The following KCNN2 variants were observed in gnomAD, a reference collection of about 807,000 sequenced individuals.
KCNN2 encodes potassium calcium-activated channel subfamily N member 2.
In KCNN2, 24 loss-of-function variants were observed where a neutral mutation model predicts 55.5. The ratio of observed to expected loss-of-function variants is 0.43; its 90% CI spans 0.31 to 0.61. KCNN2 has a LOEUF of 0.61. Ranked by LOEUF, KCNN2 falls within the 20% of genes least tolerant of loss-of-function variation. The pLI, the probability that KCNN2 is intolerant of heterozygous loss-of-function variation, is 0.08. For missense variants in KCNN2, 754 were observed against 853.6 expected (o/e 0.88, Z 1.45); for synonymous variants, 431 against 336.1 (o/e 1.28, Z -3.09).
chr5:114,090,269 G>T (rs760840244), intron 1 of KCNN2, among the ~76,000 whole-genome samples: 5 of 152,094 alleles, frequency 3.3e-5, no homozygotes, highest in Non-Finnish European at 5.9e-5. Context: ...GGATGAGGAA[G>T]AAATTAGGAT....
chr5:114,346,903 G>C (rs1757116439), intron 2 of KCNN2, among the ~76,000 whole-genome samples: 1 of 152,012 alleles, frequency 6.6e-6, no homozygotes, highest in African/African-American at 2.4e-5. Flanking sequence ...AAATAATGGG[G>C]GAATGCCAAA....
rs10658266 is a variant in KCNN2 at position 114,232,925 on chromosome 5, G to GTTTTTTTT, written c.-185+11366_-185+11373dup. On this transcript the variant is annotated intron_variant, in intron 2 of 10. Transcript: ENST00000512097. The stretch of plus-strand genomic sequence containing the variant: ...GAGGTAATTTTTTATATTGTTTCTT[G>GTTTTTTTT]TTTTTTTTTTTTTGAGACGGAGTCT... Among the ~76,000 whole-genome samples, 22 of 76,280 alleles carry GTTTTTTTT rather than the reference G, an allele frequency of 2.9e-4. 3 individuals are homozygous for GTTTTTTTT. The highest frequency in any genetic ancestry group is 9.6e-4 in the African/African-American group (21 of 21,888). The allele number at this position is 76,280 out of a possible 152,430, so 50.0% of individuals were successfully genotyped here.
intron 1 of KCNN2, among the ~76,000 whole-genome samples, chr5:114,145,695 CT>C (rs1207559912): frequency 1.3e-5 from 2 of 151,996 alleles, no homozygotes; most frequent in Non-Finnish European, 2.9e-5. Flanking sequence ...TAACATAGAC[CT>C]GATAGGAGCG....
intron 1 of KCNN2, among the ~76,000 whole-genome samples, chr5:114,176,118 G>A (rs1038704356): frequency 2.0e-5 from 3 of 152,084 alleles, no homozygotes; most frequent in African/African-American, 7.2e-5. Context: ...TTTTCAGCTG[G>A]ATAATTCTTT....
intron 2 of KCNN2, among the ~76,000 whole-genome samples, chr5:114,403,707 T>G (rs1225224072): frequency 6.6e-6 from 1 of 152,246 alleles, no homozygotes; most frequent in East Asian, 1.9e-4. Context: ...TTATTTACTT[T>G]GCTTTCTCGC....
Position 114,480,155 on chromosome 5 carries a change from T to TAAAC in KCNN2, c.1891-6893_1891-6890dup, listed in dbSNP as rs1280037256. 7.9e-5 allele frequency among the ~76,000 whole-genome samples: 12 copies of TAAAC among 151,084 alleles called. No individual in the cohort carries two copies. The East Asian group carries it at 2.3e-3, about 29-fold the overall frequency. On this transcript the variant is annotated intron_variant, in intron 5 of 7. Transcript: ENST00000673685. ...AAGAAGAAAAGAGCAAAGAGTCAAA[T>TAAAC]AAACACTATGATAAGGGGGATATTA...
chr5:114,452,949 A>G (rs1332627926), intron 3 of KCNN2, among the ~76,000 whole-genome samples: 1 of 152,226 alleles, frequency 6.6e-6, no homozygotes, highest in East Asian at 1.9e-4. Context: ...AATGAAAACT[A>G]CATGCACATA....
At chr5:114,209,275 A>G (rs1580620769) in intron 1 of KCNN2, among the ~76,000 whole-genome samples, 1 of 151,860 alleles carries the variant, frequency 6.6e-6, no homozygotes, top group East Asian at 1.9e-4. Flanking sequence ...CAGGGTCATC[A>G]TTAGATTTGC....
intron 1 of KCNN2, among the ~76,000 whole-genome samples, chr5:114,135,074 C>T (rs995756959): frequency 1.3e-5 from 2 of 152,124 alleles, no homozygotes; most frequent in Admixed American, 6.5e-5. Context: ...AAGGCAACAA[C>T]GTCAGAAGCA....
intron 1 of KCNN2, among the ~76,000 whole-genome samples, chr5:114,173,583 G>A (rs971312022): frequency 6.6e-6 from 1 of 151,654 alleles, no homozygotes; most frequent in Non-Finnish European, 1.5e-5. Flanking sequence ...ACTTTGGGTA[G>A]TAGGAGCATT....
chr5:114,459,891 G>C (rs1420797992), intron 3 of KCNN2, among the ~76,000 whole-genome samples: 1 of 152,176 alleles, frequency 6.6e-6, no homozygotes, highest in Non-Finnish European at 1.5e-5. Context: ...TTTCCTGAGA[G>C]TATTTGGCAA....
intron 2 of KCNN2, among the ~76,000 whole-genome samples, chr5:114,353,878 T>C (rs1010427286): frequency 1.3e-5 from 2 of 152,012 alleles, no homozygotes; most frequent in Admixed American, 1.3e-4. Context: ...TTTCCCTTTT[T>C]GACTATGCTG....
chr5:114,454,318 C>T (rs1010109323), intron 3 of KCNN2, among the ~76,000 whole-genome samples: 2 of 152,008 alleles, frequency 1.3e-5, no homozygotes, highest in East Asian at 1.9e-4. Flanking sequence ...TGTGTCTTTT[C>T]GATAGAAATC....
intron 5 of KCNN2, among the ~76,000 whole-genome samples, chr5:114,484,638 A>T (rs1762370952): frequency 6.6e-6 from 1 of 152,136 alleles, no homozygotes; most frequent in Non-Finnish European, 1.5e-5. Flanking sequence ...GGAAAGGAAG[A>T]CCCTACTATT....
intron 1 of KCNN2, among the ~76,000 whole-genome samples, chr5:114,097,153 C>T (rs560414847): frequency 3.9e-5 from 6 of 152,108 alleles, no homozygotes; most frequent in South Asian, 4.1e-4. Context: ...AGACATTGTT[C>T]GGGAAATATG....
At chr5:114,398,088 C>T (rs573028175) in intron 2 of KCNN2, among the ~76,000 whole-genome samples, 20 of 152,150 alleles carry the variant, frequency 1.3e-4, no homozygotes, top group Non-Finnish European at 2.8e-4. Context: ...GTGTCTTCAT[C>T]ATGAAATCTT....
chr5:114,376,894 C>T (rs1488041690), intron 2 of KCNN2, among the ~76,000 whole-genome samples: 1 of 152,028 alleles, frequency 6.6e-6, no homozygotes, highest in Non-Finnish European at 1.5e-5. Context: ...GGAGACCAGC[C>T]TGGGCAACAT....
At chr5:114,402,757 A>C (rs530145037) in intron 2 of KCNN2, among the ~76,000 whole-genome samples, 78 of 152,320 alleles carry the variant, frequency 5.1e-4, no homozygotes, top group African/African-American at 1.9e-3. Flanking sequence ...CTGAGCTTGA[A>C]GGCACAGGTG....
intron 2 of KCNN2, among the ~76,000 whole-genome samples, chr5:114,300,404 A>G (rs867093321): frequency 1.1e-4 from 16 of 152,236 alleles, no homozygotes; most frequent in African/African-American, 3.6e-4. Flanking sequence ...GAGTGAAATC[A>G]TAATTAAAGC....
Sources: gnomAD v4.1 joint callset for allele counts (sites outside exome capture counted in the v4.1 genomes callset) on GRCh38, gnomAD v4.1.1 for gene constraint, MANE v1.5 for transcripts, NCBI Gene and HGNC (gene_info 2026-07-23, HGNC 2026-07-21) for gene names.